Variants in FILIP1L observed in about 807,000 individuals in gnomAD.
The protein encoded by FILIP1L is filamin A interacting protein 1 like.
Under a neutral mutation model 96.6 loss-of-function variants are expected in FILIP1L, and 55 were observed. The observed-to-expected ratio is 0.57, with a 90% CI of 0.46 to 0.71. The LOEUF (loss-of-function observed/expected upper bound fraction) is 0.71, where lower values mean the gene tolerates loss of function less well. FILIP1L is among the 30% of genes least tolerant of loss of function. The probability of loss-of-function intolerance (pLI) is 0.00; values close to 1 mark genes in which losing one functional copy is unlikely to be tolerated. For synonymous variants in FILIP1L, 467 were observed against 473.9 expected (o/e 0.99, Z 0.19); for missense variants, 1,304 against 1,321.2 (o/e 0.99, Z 0.20).
At chr3:99,929,014 G>A (rs2107660429) in intron 3 of FILIP1L, among the ~76,000 whole-genome samples, 1 of 152,338 alleles carries the variant, frequency 6.6e-6, no homozygotes, top group South Asian at 2.1e-4. Context: ...CAGTCCTGAG[G>A]TAGGTTGCCA....
chr3:99,921,178 A>C (rs1007706589), intron 4 of FILIP1L, among the ~76,000 whole-genome samples: 7 of 152,166 alleles, frequency 4.6e-5, no homozygotes, highest in African/African-American at 1.7e-4. Flanking sequence ...CACTCAGTGA[A>C]GTTGGAAGGA....
intron 1 of FILIP1L, among the ~76,000 whole-genome samples, chr3:100,053,849 T>G (rs1300746925): frequency 6.6e-6 from 1 of 152,216 alleles, no homozygotes; most frequent in Non-Finnish European, 1.5e-5. Flanking sequence ...TTTATAAAAC[T>G]GCCCCCTGGG....
chr3:99,928,210 G>A (rs1707358062), intron 3 of FILIP1L, among the ~76,000 whole-genome samples: 1 of 152,182 alleles, frequency 6.6e-6, no homozygotes, highest in African/African-American at 2.4e-5. Context: ...GAAAATCCTA[G>A]GCAGAATTCC....
intron 4 of FILIP1L, among the ~76,000 whole-genome samples, chr3:99,895,768 T>C (rs567879403): frequency 6.6e-6 from 1 of 152,352 alleles, no homozygotes; most frequent in South Asian, 2.1e-4. Context: ...CATCAAGTTT[T>C]CTGTTGACTC....
chr3:99,941,449 AG>A (rs1707848026), intron 1 of FILIP1L, among the ~76,000 whole-genome samples: 1 of 152,208 alleles, frequency 6.6e-6, no homozygotes, highest in Non-Finnish European at 1.5e-5. Flanking sequence ...AGAATGAAAA[AG>A]GGTTCCCAGG....
At chr3:99,954,256 G>T (rs188037881) in intron 1 of FILIP1L, among the ~76,000 whole-genome samples, 1 of 152,192 alleles carries the variant, frequency 6.6e-6, no homozygotes, top group Non-Finnish European at 1.5e-5. Context: ...TTGAGCCCAG[G>T]TCATCTAATT....
intron 1 of FILIP1L, among the ~76,000 whole-genome samples, chr3:100,047,243 C>T (rs1032456730): frequency 1.9e-4 from 29 of 152,068 alleles, no homozygotes; most frequent in African/African-American, 6.0e-4. Flanking sequence ...TTATTTTCTT[C>T]TTTTGAGAAC....
chr3:99,857,144 T>A (rs1355663431), intron 4 of FILIP1L, among the ~76,000 whole-genome samples: 3 of 152,172 alleles, frequency 2.0e-5, no homozygotes, highest in Admixed American at 1.3e-4. Context: ...TTGTGAAAAA[T>A]ACTGTAGCAC....
At chr3:100,086,359 A>G (rs1001341238) in intron 1 of FILIP1L, among the ~76,000 whole-genome samples, 1 of 152,178 alleles carries the variant, frequency 6.6e-6, no homozygotes. Flanking sequence ...CATTCCAAGT[A>G]TTACTACTGA....
chr3:99,987,188 C>T (rs1309722250), intron 1 of FILIP1L, among the ~76,000 whole-genome samples: 1 of 149,158 alleles, frequency 6.7e-6, no homozygotes, highest in African/African-American at 2.5e-5. Context: ...CAAGGCCATG[C>T]CATGCACTCC....
intron 1 of FILIP1L, among the ~76,000 whole-genome samples, chr3:99,934,723 C>T (rs1324079808): frequency 6.6e-6 from 1 of 152,184 alleles, no homozygotes; most frequent in Non-Finnish European, 1.5e-5. Context: ...TTCTAGCTTC[C>T]TCACCTCACT....
At chr3:99,880,442 C>G (rs1390089053) in intron 4 of FILIP1L, among the ~76,000 whole-genome samples, 1 of 152,080 alleles carries the variant, frequency 6.6e-6, no homozygotes, top group Non-Finnish European at 1.5e-5. Flanking sequence ...TTATCTGTAG[C>G]CTGAATCTCT....
intron 4 of FILIP1L, among the ~76,000 whole-genome samples, chr3:99,895,847 T>C (rs1706233194): frequency 6.6e-6 from 1 of 152,192 alleles, no homozygotes; most frequent in East Asian, 1.9e-4. Flanking sequence ...AAATGTTGGC[T>C]AAACTCTAGC....
intron 1 of FILIP1L, among the ~76,000 whole-genome samples, chr3:99,999,388 A>G (rs1033041204): frequency 1.3e-5 from 2 of 152,196 alleles, no homozygotes; most frequent in African/African-American, 2.4e-5. Flanking sequence ...TTGGTGTGCA[A>G]TAGTAGTTGT....
chr3:100,015,778 G>T (rs1220705357), intron 1 of FILIP1L, among the ~76,000 whole-genome samples: 1 of 152,134 alleles, frequency 6.6e-6, no homozygotes, highest in Non-Finnish European at 1.5e-5. Flanking sequence ...TACACAGAAG[G>T]CACTCACTGA....
chr3:99,975,117 T>C (rs1033179502), intron 1 of FILIP1L, among the ~76,000 whole-genome samples: 9 of 152,184 alleles, frequency 5.9e-5, no homozygotes, highest in African/African-American at 2.2e-4. Flanking sequence ...TGAAGTACCT[T>C]TCACCTAGCA....
At chr3:99,877,552 A>G (rs1705575330) in intron 4 of FILIP1L, among the ~76,000 whole-genome samples, 2 of 152,090 alleles carry the variant, frequency 1.3e-5, no homozygotes, top group Non-Finnish European at 2.9e-5. Flanking sequence ...CATATACAGT[A>G]TACTAAGAGA....
In FILIP1L at chr3:100,025,213, C is replaced by T. The variant is rs143988440; in HGVS notation, c.-11+88840G>A. ...TCCTATGCCTATAGTAGGGCTCGTC[C>T]TTCTTGCCACTACACAGCCCCATAC... is the stretch of plus-strand genomic sequence containing the variant. On this transcript the variant is annotated intron_variant, in intron 1 of 5. Coordinates refer to ENST00000477258, the MANE Select transcript of FILIP1L (RefSeq NM_001387850.1). Among the ~76,000 whole-genome samples, 34 of 152,272 alleles carry T rather than the reference C, an allele frequency of 2.2e-4. No homozygotes were observed. The East Asian group carries it at 6.2e-3, about 28-fold the overall frequency.
intron 1 of FILIP1L, among the ~76,000 whole-genome samples, chr3:99,935,289 T>C (rs1707627248): frequency 6.6e-6 from 1 of 150,870 alleles, no homozygotes; most frequent in South Asian, 2.1e-4. Flanking sequence ...GGAAAGTTGC[T>C]TTTTGTGTAT....
Sources: allele counts gnomAD v4.1 joint callset (sites outside exome capture counted in the v4.1 genomes callset), GRCh38; gene constraint gnomAD v4.1.1; transcripts MANE v1.5; gene names NCBI Gene and HGNC (gene_info 2026-07-23, HGNC 2026-07-21).